NARS2: variants seen among roughly 807,000 people sequenced by gnomAD.
NARS2 encodes asparaginyl-tRNA synthetase 2, mitochondrial.
A neutral mutation model predicts 62.9 loss-of-function variants in NARS2; 60 were observed. The observed-to-expected ratio is 0.95, with a 90% CI of 0.77 to 1.18. NARS2 has a LOEUF of 1.18. Among genes scored for constraint, NARS2 ranks in the 50% most tolerant of loss-of-function variants. NARS2 has a pLI of 0.00. For synonymous variants in NARS2, 196 were observed against 200.0 expected, an observed-to-expected ratio of 0.98 and a Z score of 0.17; for missense variants, 619 against 576.4, an observed-to-expected ratio of 1.07 and a Z score of -0.76.
rs573799154 is a variant in NARS2, at chr11:78,556,037, A to T, written c.594+3502T>A. On this transcript the variant is annotated intron_variant, in intron 5 of 13. Transcript: ENST00000281038. ...CTATTTTATTGTGCTGTGGTCTGAG[A>T]GTGTGTTTGGTATGCTTTCAGTTCT... 9.9e-5 allele frequency among the ~76,000 whole-genome samples: 15 copies of T among 152,216 alleles called. No individual in the cohort carries two copies. In the East Asian group the frequency reaches 2.9e-3, roughly 29 times the overall value.
At chr11:78,440,416 T>A (rs1301425518) in intron 13 of NARS2, among the ~76,000 whole-genome samples, 1 of 151,926 alleles carries the variant, frequency 6.6e-6, no homozygotes, top group Non-Finnish European at 1.5e-5. Flanking sequence ...TCCCTCAAAC[T>A]GTGTGACCTT....
chr11:78,560,573 A>G (rs962406942), intron 4 of NARS2, among the ~76,000 whole-genome samples: 8 of 152,238 alleles, frequency 5.3e-5, no homozygotes, highest in African/African-American at 1.9e-4. Flanking sequence ...TCTTAAATAC[A>G]TATCTCTGCC....
rs1299362744 is a variant in NARS2, at chr11:78,528,915, G to A, written c.616C>T (p.Pro206Ser). 1.9e-6 allele frequency: 3 copies of A among 1,611,846 alleles called. No homozygotes were observed. The African/African-American group carries it at 4.0e-5, about 22-fold the overall frequency. The change falls in exon 6 of 14, where the codon CCT (proline) becomes TCT (serine). Residue 206 changes from proline (P) to serine (S), a missense_variant. Pro to Ser is a moderately conservative substitution (Grantham distance 74). Coordinates refer to ENST00000281038, the MANE Select transcript of NARS2 (RefSeq NM_024678.6). Reference protein sequence around the residue: ...QLEPSGKLKVPEENFFNVPAF... With the variant: ...QLEPSGKLKVSEENFFNVPAF... ...GGAACATTGAAGAAATTCTCCTCAG[G>A]TACCTTAAGTTTGCCTGAAGGCTGC...
chr11:78,452,859 A>G (rs574291173), intron 11 of NARS2, among the ~76,000 whole-genome samples: 20 of 152,332 alleles, frequency 1.3e-4, no homozygotes, highest in Admixed American at 6.5e-4. Flanking sequence ...TGAATGGACA[A>G]TCGTCTGTAC....
At chr11:78,571,973 G>C (rs562685748) in intron 1 of NARS2, among the ~76,000 whole-genome samples, 1 of 151,626 alleles carries the variant, frequency 6.6e-6, no homozygotes, top group African/African-American at 2.4e-5. Context: ...CTTGAGGTCG[G>C]GAGTTTGAGA....
chr11:78,480,192 AC>A (rs1331426431), intron 7 of NARS2, among the ~76,000 whole-genome samples: 4 of 152,020 alleles, frequency 2.6e-5, no homozygotes, highest in Admixed American at 2.0e-4. Context: ...GAGCCACTGC[AC>A]CTGGCCTAGT....
chr11:78,494,455 A>T (rs1284032925), intron 6 of NARS2, among the ~76,000 whole-genome samples: 1 of 139,802 alleles, frequency 7.2e-6, no homozygotes, highest in African/African-American at 2.7e-5. Flanking sequence ...TATATATATA[A>T]GTTTTTTCTT....
chr11:78,511,740 T>C (rs1860731142), intron 6 of NARS2, among the ~76,000 whole-genome samples: 1 of 151,804 alleles, frequency 6.6e-6, no homozygotes, highest in Non-Finnish European at 1.5e-5. Flanking sequence ...AAAAAGAATT[T>C]GTCAAAACAT....
intron 10 of NARS2, among the ~76,000 whole-genome samples, chr11:78,468,846 G>A (rs1266850721): frequency 1.4e-5 from 2 of 144,710 alleles, no homozygotes; most frequent in Non-Finnish European, 3.0e-5. Flanking sequence ...TGCCCAGGCT[G>A]GTCTTGAACT....
chr11:78,571,316 T>A lies in NARS2; in HGVS notation c.251+19A>T. ...TGAAAAACAAAAATCAAAGAATTCT[T>A]TTAAAAAACAAAACTCACCTACTGT... On this transcript the variant is annotated intron_variant, in intron 2 of 13. Coordinates refer to ENST00000281038, the MANE Select transcript of NARS2 (RefSeq NM_024678.6). The A allele has an allele frequency of 6.4e-7, 1 of 1,550,932 alleles. No homozygotes were observed. The highest frequency in any genetic ancestry group is 8.9e-7 in the Non-Finnish European group (1 of 1,123,542).
chr11:78,469,688 A>T (rs1025963278), intron 9 of NARS2, among the ~76,000 whole-genome samples: 6 of 152,202 alleles, frequency 3.9e-5, no homozygotes, highest in African/African-American at 1.4e-4. Flanking sequence ...TAGGCACTAC[A>T]CACAATTCTA....
At chr11:78,505,662 A>T (rs576605847) in intron 6 of NARS2, among the ~76,000 whole-genome samples, 1 of 152,320 alleles carries the variant, frequency 6.6e-6, no homozygotes, top group African/African-American at 2.4e-5. Context: ...TTATTAGACT[A>T]CTAATCACTG....
At chr11:78,542,300 G>A (rs931340397) in intron 5 of NARS2, among the ~76,000 whole-genome samples, 6 of 152,222 alleles carry the variant, frequency 3.9e-5, no homozygotes, top group Non-Finnish European at 7.3e-5. Flanking sequence ...AGAGGGTAAG[G>A]TTGAGGCAAA....
chr11:78,560,332 C>G (rs549789755), intron 4 of NARS2, among the ~76,000 whole-genome samples: 3 of 152,140 alleles, frequency 2.0e-5, no homozygotes, highest in Non-Finnish European at 4.4e-5. Flanking sequence ...TGGAGCTCTT[C>G]CGAACAAAAG....
chr11:78,538,342 T>C (rs1470971920), intron 5 of NARS2, among the ~76,000 whole-genome samples: 2 of 152,156 alleles, frequency 1.3e-5, no homozygotes, highest in African/African-American at 2.4e-5. Context: ...ACCTCATTCA[T>C]TCATCTAAGC....
chr11:78,521,789 C>CAAA (rs58282524), intron 6 of NARS2, among the ~76,000 whole-genome samples: 1,829 of 95,798 alleles, frequency 0.019, 110 homozygotes, highest in African/African-American at 0.078. Flanking sequence ...GACTCCGTCT[C>CAAA]AAAAAAAAAA....
chr11:78,528,099 G>C (rs1861354042), intron 6 of NARS2, among the ~76,000 whole-genome samples: 2 of 152,050 alleles, frequency 1.3e-5, no homozygotes, highest in Non-Finnish European at 2.9e-5. Context: ...AGCCAGGTTT[G>C]GTGGTATATA....
At chr11:78,443,857 T>C in intron 11 of NARS2, 99 bp from the exon 12 acceptor site, 2 of 756,424 alleles carry the variant, frequency 2.6e-6, no homozygotes, top group East Asian at 5.4e-5. Context: ...CAATGGCTAA[T>C]TAACTACCTA....
intron 6 of NARS2, among the ~76,000 whole-genome samples, chr11:78,503,425 G>T (rs1860361436): frequency 6.6e-6 from 1 of 151,770 alleles, no homozygotes; most frequent in Non-Finnish European, 1.5e-5. Context: ...TTTAGTAGAG[G>T]CGGGGCTTCT....
Sources: allele counts gnomAD v4.1 joint callset (sites outside exome capture counted in the v4.1 genomes callset), GRCh38; gene constraint gnomAD v4.1.1; transcripts MANE v1.5; gene names NCBI Gene and HGNC (gene_info 2026-07-23, HGNC 2026-07-21).